BRAF: variants seen among roughly 807,000 people sequenced by gnomAD.
The protein encoded by BRAF is B-Raf proto-oncogene, serine/threonine kinase, also known as serine/threonine-protein kinase B-raf.
Under a neutral mutation model 104.6 loss-of-function variants are expected in BRAF, and 16 were observed. The observed-to-expected ratio is 0.15, with a 90% CI of 0.10 to 0.23. BRAF has a LOEUF of 0.23. BRAF is among the 10% of genes least tolerant of loss of function. BRAF has a pLI of 1.00. For synonymous variants in BRAF, 310 were observed against 341.6 expected (o/e 0.91, Z 1.02); for missense variants, 541 against 937.3 (o/e 0.58, Z 5.52).
intron 3 of BRAF, among the ~76,000 whole-genome samples, chr7:140,820,831 G>C (rs920076211): frequency 6.6e-6 from 1 of 152,046 alleles, no homozygotes; most frequent in African/African-American, 2.4e-5. Flanking sequence ...CTACTTGGAG[G>C]GTGAGATGGG....
chr7:140,851,118 C>T (rs1391282166), intron 1 of BRAF, among the ~76,000 whole-genome samples: 1 of 152,086 alleles, frequency 6.6e-6, no homozygotes, highest in African/African-American at 2.4e-5. Flanking sequence ...ACCAGCCAGC[C>T]AGACTAGAAT....
intron 8 of BRAF, 78 bp from the exon 9 acceptor site, chr7:140,787,662 TAAC>T (rs1364608504): frequency 4.9e-6 from 6 of 1,214,204 alleles, no homozygotes; most frequent in Non-Finnish European, 6.1e-6. Context: ...AATTTTCCAC[TAAC>T]GTTAAAAGAA....
At chr7:140,881,059 G>A (rs1457291541) in intron 1 of BRAF, among the ~76,000 whole-genome samples, 1 of 152,198 alleles carries the variant, frequency 6.6e-6, no homozygotes, top group Non-Finnish European at 1.5e-5. Context: ...TCAACGATTA[G>A]TAATATGTTG....
chr7:140,884,429 A>ATGTGTGTGTGTGTGTGTGTGTGTGTG (rs71170770), intron 1 of BRAF, among the ~76,000 whole-genome samples: 8 of 127,462 alleles, frequency 6.3e-5, no homozygotes, highest in African/African-American at 1.5e-4. Flanking sequence ...TATATAAGAT[A>ATGTGTGTGTGTGTGTGTGTGTGTGTG]TGTGTGTGTG....
At chr7:140,848,702 T>C (rs1275142037) in intron 2 of BRAF, among the ~76,000 whole-genome samples, 1 of 152,250 alleles carries the variant, frequency 6.6e-6, no homozygotes, top group Non-Finnish European at 1.5e-5. Context: ...TGCTTCCTTA[T>C]GACACCTTTG....
At chr7:140,919,181 G>T (rs2129146974) in intron 1 of BRAF, among the ~76,000 whole-genome samples, 1 of 151,386 alleles carries the variant, frequency 6.6e-6, no homozygotes, top group South Asian at 2.1e-4. Flanking sequence ...TATTTACAAT[G>T]ATAGAATGTT....
chr7:140,780,249 T>TC (rs879359510), intron 12 of BRAF: 21 of 151,304 alleles, frequency 1.4e-4, no homozygotes, highest in Non-Finnish European at 2.8e-4. Flanking sequence ...ACAGTCTTTT[T>TC]TTTTTTTTTT....
intron 14 of BRAF, among the ~76,000 whole-genome samples, chr7:140,764,147 G>T (rs111608025): frequency 1.3e-5 from 2 of 151,908 alleles, no homozygotes; most frequent in South Asian, 2.1e-4. Context: ...TTCAACATAC[G>T]CAAATCAATA....
chr7:140,714,964 G>A (rs752768856), downstream of BRAF, among the ~76,000 whole-genome samples: 16 of 152,086 alleles, frequency 1.1e-4, no homozygotes, highest in Non-Finnish European at 1.8e-4. Flanking sequence ...TCAAGGTCTC[G>A]CATGGGACCA....
chr7:140,897,304 A>G lies in BRAF; in HGVS notation c.138+27262T>C, dbSNP rs527809467. On this transcript the variant is annotated intron_variant, in intron 1 of 19. Coordinates refer to ENST00000644969, the MANE Select transcript of BRAF (RefSeq NM_001374258.1). The stretch of plus-strand genomic sequence containing the variant: ...TGGTAGAAATGAGAGGTTGCTTTAC[A>G]AATAAGTGAGAAAAAGACTGTGCAC... 2.0e-5 allele frequency among the ~76,000 whole-genome samples: 3 copies of G among 152,248 alleles called. No homozygotes were observed. The South Asian group carries it at 6.2e-4, about 32-fold the overall frequency.
intron 3 of BRAF, among the ~76,000 whole-genome samples, chr7:140,813,609 C>T (rs1003462161): frequency 6.6e-6 from 1 of 152,042 alleles, no homozygotes; most frequent in Non-Finnish European, 1.5e-5. Context: ...CTAGAAAGAA[C>T]CTGAATGACC....
intron 2 of BRAF, chr7:140,835,141 A>G: frequency 2.5e-6 from 1 of 401,280 alleles, no homozygotes; most frequent in Non-Finnish European, 4.5e-6. Flanking sequence ...AATAATAAAA[A>G]AGCACAGTAT....
chr7:140,831,798 CATATTT>C (rs1308979146), intron 3 of BRAF, among the ~76,000 whole-genome samples: 1 of 152,184 alleles, frequency 6.6e-6, no homozygotes, highest in Non-Finnish European at 1.5e-5. Context: ...TCAAAATATT[CATATTT>C]ATATCACCAG....
chr7:140,739,373 C>G (rs1796709070), intron 18 of BRAF, among the ~76,000 whole-genome samples: 1 of 152,074 alleles, frequency 6.6e-6, no homozygotes, highest in Middle Eastern at 3.4e-3. Flanking sequence ...CAACTCCTCA[C>G]TAATTTTTTT....
chr7:140,744,469 T>C (rs1488687658), intron 17 of BRAF, among the ~76,000 whole-genome samples: 1 of 152,258 alleles, frequency 6.6e-6, no homozygotes, highest in Non-Finnish European at 1.5e-5. Flanking sequence ...ACTGTAACTG[T>C]GAATGTAACA....
intron 3 of BRAF, among the ~76,000 whole-genome samples, chr7:140,817,962 T>C (rs1036571720): frequency 6.6e-6 from 1 of 152,068 alleles, no homozygotes; most frequent in African/African-American, 2.4e-5. Flanking sequence ...CACCTTGAAA[T>C]CATAATTTTG....
chr7:140,805,389 C>T (rs1476868), intron 5 of BRAF, among the ~76,000 whole-genome samples: 8,592 of 152,060 alleles, frequency 0.057, 291 homozygotes, highest in South Asian at 0.11. Context: ...CCATTATTCA[C>T]CAAACCAAGT....
At chr7:140,801,868 G>A (rs1371862899) in intron 5 of BRAF, among the ~76,000 whole-genome samples, 1 of 152,030 alleles carries the variant, frequency 6.6e-6, no homozygotes, top group Admixed American at 6.6e-5. Flanking sequence ...AAAGGAGGAG[G>A]AAACAGAGGT....
At position 140,794,432 on chromosome 7, in the gene BRAF, G is replaced by C; in HGVS notation, c.1016C>G (p.Ser339Cys). 1.2e-6 allele frequency: 2 copies of C among 1,614,090 alleles called. No homozygotes were observed. Among genetic ancestry groups the C allele is most frequent in the Non-Finnish European group, 1.7e-6 (2 of 1,180,010 alleles). Residue 339 changes from serine (S) to cysteine (C), a missense_variant, in exon 8 of 20, where the codon TCC becomes TGC. Coordinates refer to ENST00000644969, the MANE Select transcript of BRAF (RefSeq NM_001374258.1). ...QILTSPSPSK[S>C]IPIPQPFRPA... is the part of the protein sequence containing the mutation. Reference sequence around the variant, plus strand: ...TCGGAAGGGCTGTGGAATTGGAATGGATTTTGAAGGAGACGGACTGGTGAG... The same window carrying C: ...TCGGAAGGGCTGTGGAATTGGAATGCATTTTGAAGGAGACGGACTGGTGAG...
Sources: allele counts gnomAD v4.1 joint callset (sites outside exome capture counted in the v4.1 genomes callset), GRCh38; gene constraint gnomAD v4.1.1; transcripts MANE v1.5; gene names NCBI Gene and HGNC (gene_info 2026-07-23, HGNC 2026-07-21).